Variants in NKX1-2 observed in about 807,000 individuals in gnomAD.
NKX1-2 encodes the protein NK1 transcription factor-related protein 2.
A neutral mutation model predicts 4.4 loss-of-function variants in NKX1-2; 1 was observed. The observed-to-expected ratio is 0.23, with a 90% CI of 0.08 to 1.08. The LOEUF is 1.08. NKX1-2 is among the 50% of genes least tolerant of loss of function. The pLI is 0.55. For missense variants in NKX1-2, 503 were observed against 464.6 expected, an observed-to-expected ratio of 1.08 and a Z score of -0.76; for synonymous variants, 235 against 228.0, an observed-to-expected ratio of 1.03 and a Z score of -0.28.
chr10:124,447,921 G>T lies in NKX1-2; in HGVS notation c.441C>A (p.Gly147=). ...GPVRSPPGSP[G]SPRPRRRRLE... is the part of the protein sequence containing the mutation. ...GGCGCCGGCGCCTGGGACGCGGGGA[G>T]CCGGGGGATCCCGGGGGGGACCTCA... Residue 147 remains glycine (G), a synonymous_variant, in exon 2 of 2, where the codon GGC becomes GGA. Transcript: ENST00000451024. 7.1e-7 allele frequency: 1 copy of T among 1,402,562 alleles called. No individual in the cohort carries two copies. Among genetic ancestry groups the T allele is most frequent in the Non-Finnish European group, 9.3e-7 (1 of 1,076,014 alleles). 86.9% of individuals were successfully genotyped at this position (1,402,562 alleles called of 1,614,324 possible). A position where few individuals can be genotyped will look rare whatever the true frequency, so the allele number is the denominator to read the frequency against.
chr10:124,449,785 G>C lies in NKX1-2; in HGVS notation c.159C>G (p.Val53=), dbSNP rs1287406221. The change falls in exon 1 of 2, where the codon GTC becomes GTG. Residue 53 remains valine (V), a synonymous_variant. Transcript: ENST00000451024. The surrounding 1 kb of genome is among the most constrained non-coding windows in gnomAD (Gnocchi z 7.5). ...PREARKSLAE[V]EAGKDASSRD... is the part of the protein sequence containing the mutation. ...TGGAGCTGGCATCTTTCCCCGCTTC[G>C]ACCTCCGCCAAACTTTTCCTGGCTT... 6.4e-7 allele frequency: 1 copy of C among 1,551,670 alleles called. No homozygotes were observed. The highest frequency in any genetic ancestry group is 8.7e-7 in the Non-Finnish European group (1 of 1,146,978).
chr10:124,449,509 G>T lies in NKX1-2; in HGVS notation c.214+221C>A. ...ACTGTGGTGCGGGTGAGCTTGGCGG[G>T]TGAGCAGGGATGCGGCAAATCCCTG... On this transcript the variant is annotated intron_variant, in intron 1 of 1. Coordinates refer to ENST00000451024, the MANE Select transcript of NKX1-2 (RefSeq NM_001146340.3). This position sits in a 1 kb window ranked among gnomAD's most constrained non-coding sequence, Gnocchi z 7.5. 1.4e-6 allele frequency: 1 copy of T among 697,420 alleles called. No homozygotes were observed. Among genetic ancestry groups the T allele is most frequent in the South Asian group, 1.5e-5 (1 of 66,722 alleles). The allele number at this position is 697,420 out of a possible 1,614,324, so 43.2% of individuals were successfully genotyped here. A position where few individuals can be genotyped will look rare whatever the true frequency, so the allele number is the denominator to read the frequency against.
rs1952246817 is a variant in NKX1-2 at position 124,447,288 on chromosome 10, C to T, written c.*141G>A. On this transcript the variant is annotated 3_prime_UTR_variant, in exon 2 of 2. Coordinates refer to ENST00000451024, the MANE Select transcript of NKX1-2 (RefSeq NM_001146340.3). ...CGGCAGATCCCTGACCCCTTGGTGGCCCGCGAGGATCGCGGGTGCGCGCGG... is the reference window on the plus strand; with the variant it reads ...CGGCAGATCCCTGACCCCTTGGTGGTCCGCGAGGATCGCGGGTGCGCGCGG... 4.4e-6 allele frequency: 2 copies of T among 453,856 alleles called. No individual in the cohort carries two copies. The highest frequency in any genetic ancestry group is 1.2e-4 in the South Asian group (1 of 8,246). The allele number at this position is 453,856 out of a possible 1,614,324, so 28.1% of individuals were successfully genotyped here.
At position 124,447,899 on chromosome 10, in the gene NKX1-2, G is replaced by T; in HGVS notation, c.463C>A (p.Arg155Ser). 3 of 1,415,878 alleles carry T rather than the reference G, an allele frequency of 2.1e-6. No individual in the cohort carries two copies. Among genetic ancestry groups the T allele is most frequent in the Non-Finnish European group, 2.8e-6 (3 of 1,080,184 alleles). 87.7% of individuals were successfully genotyped at this position (1,415,878 alleles called of 1,614,324 possible). Reference sequence around the variant, plus strand: ...GGCTTGGCGCAGTTGGGCTCCAGGCGCCGGCGCCTGGGACGCGGGGAGCCG... The same window carrying T: ...GGCTTGGCGCAGTTGGGCTCCAGGCTCCGGCGCCTGGGACGCGGGGAGCCG... ...SPGSPRPRRR[R>S]LEPNCAKPRR... The change falls in exon 2 of 2, where the codon CGC becomes AGC. Residue 155 changes from arginine (R) to serine (S), a missense_variant. By Grantham distance (110) the Arg-to-Ser change is moderately radical. Coordinates refer to ENST00000451024, the MANE Select transcript of NKX1-2 (RefSeq NM_001146340.3).
chr10:124,447,975 C>G lies in NKX1-2; in HGVS notation c.387G>C (p.Glu129Asp). The change falls in exon 2 of 2, where the codon GAG (glutamate) becomes GAC (aspartate). Residue 129 changes from glutamate (E) to aspartate (D), a missense_variant. Physicochemically the swap from Glu to Asp is conservative, Grantham distance 45. Coordinates refer to ENST00000451024, the MANE Select transcript of NKX1-2 (RefSeq NM_001146340.3). ...DAPAGALASG[E>D]PCEDGGGGPV... is the part of the protein sequence containing the mutation. ...GGCCGCCCCCGCCGTCCTCGCAGGG[C>G]TCCCCAGACGCCAATGCCCCGGCCG... 6.9e-7 allele frequency: 1 copy of G among 1,444,898 alleles called. No individual in the cohort carries two copies. The highest frequency in any genetic ancestry group is 9.0e-7 in the Non-Finnish European group (1 of 1,106,516). The allele number at this position is 1,444,898 out of a possible 1,614,324, so 89.5% of individuals were successfully genotyped here. A position where few individuals can be genotyped will look rare whatever the true frequency, so the allele number is the denominator to read the frequency against.
In NKX1-2 at chr10:124,449,960, C is replaced by T; in HGVS notation, c.-17G>A. 6.6e-7 allele frequency: 1 copy of T among 1,516,544 alleles called. No individual in the cohort carries two copies. The highest frequency in any genetic ancestry group is 8.9e-7 in the Non-Finnish European group (1 of 1,127,224). 93.9% of individuals were successfully genotyped at this position (1,516,544 alleles called of 1,614,324 possible). On this transcript the variant is annotated 5_prime_UTR_variant, in exon 1 of 2. Transcript: ENST00000451024. The surrounding 1 kb of genome is among the most constrained non-coding windows in gnomAD (Gnocchi z 7.5). The stretch of plus-strand genomic sequence containing the variant: ...TGCCAGCATGCCCGTCGCCCACGGG[C>T]CGGCGGTCGGCGGCGCGGGGTTGGG...
Position 124,447,886 on chromosome 10 carries a change from T to C in NKX1-2, c.476A>G (p.Asn159Ser), listed in dbSNP as rs551061171. 3.2e-5 allele frequency: 46 copies of C among 1,435,314 alleles called. No homozygotes were observed. The highest frequency in any genetic ancestry group is 9.8e-5 in the South Asian group (7 of 71,688). 88.9% of individuals were successfully genotyped at this position (1,435,314 alleles called of 1,614,324 possible). Residue 159 changes from asparagine (N) to serine (S), a missense_variant, in exon 2 of 2, where the codon AAC (asparagine) becomes AGC (serine). Asn to Ser is a conservative substitution (Grantham distance 46). Transcript: ENST00000451024. ...GCGCGCGCGCCGCGGCTTGGCGCAGTTGGGCTCCAGGCGCCGGCGCCTGGG... is the reference window on the plus strand; with the variant it reads ...GCGCGCGCGCCGCGGCTTGGCGCAGCTGGGCTCCAGGCGCCGGCGCCTGGG... Reference protein sequence around the residue: ...PRPRRRRLEPNCAKPRRARTA... With the variant: ...PRPRRRRLEPSCAKPRRARTA...
Position 124,449,691 on chromosome 10 carries a change from G to T in NKX1-2, c.214+39C>A. The T allele has an allele frequency of 7.0e-7, 1 of 1,436,862 alleles. No individual in the cohort carries two copies. The highest frequency in any genetic ancestry group is 9.6e-7 in the Non-Finnish European group (1 of 1,044,694). The allele number at this position is 1,436,862 out of a possible 1,614,324, so 89.0% of individuals were successfully genotyped here. On this transcript the variant is annotated intron_variant, in intron 1 of 1. Coordinates refer to ENST00000451024, the MANE Select transcript of NKX1-2 (RefSeq NM_001146340.3). This position sits in a 1 kb window ranked among gnomAD's most constrained non-coding sequence, Gnocchi z 7.5. ...CCCCCATACACTCCGCATTGTTGGG[G>T]CTGAGGCCTCCTGGGGCCGGGGCCG...
rs1952276281 is a variant in NKX1-2, at chr10:124,449,453, C to A, written c.214+277G>T. On this transcript the variant is annotated intron_variant, in intron 1 of 1. Transcript: ENST00000451024. This position sits in a 1 kb window ranked among gnomAD's most constrained non-coding sequence, Gnocchi z 7.5. ...AAATGAGTAAGCCTGGCAAGACAGGCGCCAGGTAAGTTTCCACCGCGAGCA... is the reference window on the plus strand; with the variant it reads ...AAATGAGTAAGCCTGGCAAGACAGGAGCCAGGTAAGTTTCCACCGCGAGCA... 3.0e-6 allele frequency: 2 copies of A among 677,110 alleles called. No individual in the cohort carries two copies. The highest frequency in any genetic ancestry group is 5.4e-6 in the Non-Finnish European group (2 of 369,052). The allele number at this position is 677,110 out of a possible 1,614,324, so 41.9% of individuals were successfully genotyped here. A position where few individuals can be genotyped will look rare whatever the true frequency, so the allele number is the denominator to read the frequency against.
chr10:124,449,930 T>A lies in NKX1-2; in HGVS notation c.14A>T (p.Gln5Leu). 1 of 1,542,038 alleles carries A rather than the reference T, an allele frequency of 6.5e-7. No homozygotes were observed. Among genetic ancestry groups the A allele is most frequent in the Non-Finnish European group, 8.8e-7 (1 of 1,140,266 alleles). Residue 5 changes from glutamine (Q) to leucine (L), a missense_variant, in exon 1 of 2, where the codon CAG becomes CTG. Coordinates refer to ENST00000451024, the MANE Select transcript of NKX1-2 (RefSeq NM_001146340.3). The surrounding 1 kb of genome is among the most constrained non-coding windows in gnomAD (Gnocchi z 7.5). ...GGGAGCCGCCTTGGCCCCGCCGTCC[T>A]GCCATGCCAGCATGCCCGTCGCCCA... MLAW[Q>L]DGGAKAAPSH...
Position 124,449,641 on chromosome 10 carries a change from G to T in NKX1-2, c.214+89C>A. The T allele has an allele frequency of 1.0e-6, 1 of 975,808 alleles. No individual in the cohort carries two copies. Among genetic ancestry groups the T allele is most frequent in the Non-Finnish European group, 1.6e-6 (1 of 631,468 alleles). 60.4% of individuals were successfully genotyped at this position (975,808 alleles called of 1,614,324 possible). On this transcript the variant is annotated intron_variant, in intron 1 of 1. Coordinates refer to ENST00000451024, the MANE Select transcript of NKX1-2 (RefSeq NM_001146340.3). The surrounding 1 kb of genome is among the most constrained non-coding windows in gnomAD (Gnocchi z 7.5). ...TTCTCTCTGAGGAAGACGCTGTTAA[G>T]GGCCACTCACCGGGCCCGGCTGTTC...
At position 124,448,233 on chromosome 10, in the gene NKX1-2, C is replaced by A; in HGVS notation, c.215-86G>T. 3.0e-6 allele frequency: 4 copies of A among 1,349,320 alleles called. No individual in the cohort carries two copies. The highest frequency in any genetic ancestry group is 9.5e-7 in the Non-Finnish European group (1 of 1,054,948). 83.6% of individuals were successfully genotyped at this position (1,349,320 alleles called of 1,614,324 possible). On this transcript the variant is annotated intron_variant, in intron 1 of 1. Transcript: ENST00000451024. This position sits in a 1 kb window ranked among gnomAD's most constrained non-coding sequence, Gnocchi z 4.1. ...CTCCCTAGAGCAAGCAGCTGTCCCC[C>A]CAACCCAACTCTGGGTGCTGCTCCT...
rs974610255 is a variant in NKX1-2 at position 124,449,606 on chromosome 10, C to T, written c.214+124G>A. ...GCGGGGGCTACACTTCGCACCCGGT[C>T]CCGTGCGCCTTCTCTCTGAGGAAGA... On this transcript the variant is annotated intron_variant, in intron 1 of 1. Transcript: ENST00000451024. This position sits in a 1 kb window ranked among gnomAD's most constrained non-coding sequence, Gnocchi z 7.5. 1.5e-5 allele frequency: 12 copies of T among 778,604 alleles called. No homozygotes were observed. The African/African-American group carries it at 1.7e-4, about 11-fold the overall frequency. The allele number at this position is 778,604 out of a possible 1,614,324, so 48.2% of individuals were successfully genotyped here.
rs1952268619 is a variant in NKX1-2, at chr10:124,448,647, C to A, written c.215-500G>T. On this transcript the variant is annotated intron_variant, in intron 1 of 1. Transcript: ENST00000451024. This position sits in a 1 kb window ranked among gnomAD's most constrained non-coding sequence, Gnocchi z 4.1. The stretch of plus-strand genomic sequence containing the variant: ...CTCTCCCGCCGTGTTAATAGAGTTT[C>A]AGATTTGTGCGGGGCCGGATCGATA... 6.6e-6 allele frequency: 1 copy of A among 150,410 alleles called. No individual in the cohort carries two copies. The allele number at this position is 150,410 out of a possible 1,614,324, so 9.3% of individuals were successfully genotyped here. A position where few individuals can be genotyped will look rare whatever the true frequency, so the allele number is the denominator to read the frequency against.
In NKX1-2 at chr10:124,447,717, C is replaced by G. The variant is rs1325822402; in HGVS notation, c.645G>C (p.Arg215Ser). Residue 215 changes from arginine to serine, a missense_variant, in exon 2 of 2, where the codon AGG (arginine) becomes AGC (serine). Transcript: ENST00000451024. Reference sequence around the variant, plus strand: ...CCGGGTTCTGCTTCTTCCACTTGGTCCTGCGATTCTGGAACCAGATTTTGA... The same window carrying G: ...CCGGGTTCTGCTTCTTCCACTTGGTGCTGCGATTCTGGAACCAGATTTTGA... ...TQVKIWFQNRRTKWKKQNPGA... is the reference protein window; with the variant it reads ...TQVKIWFQNRSTKWKKQNPGA... The G allele has an allele frequency of 3.7e-5, 54 of 1,468,334 alleles. No individual in the cohort carries two copies. Among genetic ancestry groups the G allele is most frequent in the Non-Finnish European group, 4.7e-5 (52 of 1,101,912 alleles). The allele number at this position is 1,468,334 out of a possible 1,614,324, so 91.0% of individuals were successfully genotyped here. A position where few individuals can be genotyped will look rare whatever the true frequency, so the allele number is the denominator to read the frequency against.
chr10:124,448,731 G>C lies in NKX1-2; in HGVS notation c.215-584C>G, dbSNP rs1589736531. The C allele has an allele frequency of 6.5e-6, 1 of 152,698 alleles. No individual in the cohort carries two copies. The allele number at this position is 152,698 out of a possible 1,614,324, so 9.5% of individuals were successfully genotyped here. A position where few individuals can be genotyped will look rare whatever the true frequency, so the allele number is the denominator to read the frequency against. On this transcript the variant is annotated intron_variant, in intron 1 of 1. Coordinates refer to ENST00000451024, the MANE Select transcript of NKX1-2 (RefSeq NM_001146340.3). The surrounding 1 kb of genome is among the most constrained non-coding windows in gnomAD (Gnocchi z 4.1). ...CAATATTAGGATCAGACAGGGAAAG[G>C]GGGTTTGAAGTCGGTACCTGCAAGC...
In NKX1-2 at chr10:124,448,957, G is replaced by A. The variant is rs147976074; in HGVS notation, c.214+773C>T. ...GGAGCAGGGGGCTGCGCGGCATCCA[G>A]CCTCCCCCGATGACCTGAGCCTCTG... On this transcript the variant is annotated intron_variant, in intron 1 of 1. Coordinates refer to ENST00000451024, the MANE Select transcript of NKX1-2 (RefSeq NM_001146340.3). The surrounding 1 kb of genome is among the most constrained non-coding windows in gnomAD (Gnocchi z 4.1). 2.6e-5 allele frequency among the ~76,000 whole-genome samples: 4 copies of A among 152,270 alleles called. No homozygotes were observed. Among genetic ancestry groups the A allele is most frequent in the Admixed American group, 6.5e-5 (1 of 15,304 alleles).
At position 124,447,248 on chromosome 10, in the gene NKX1-2, G is replaced by A. The variant is rs1045131940; in HGVS notation, c.*181C>T. 1.2e-5 allele frequency: 5 copies of A among 410,214 alleles called. No homozygotes were observed. The highest frequency in any genetic ancestry group is 3.7e-5 in the East Asian group (1 of 26,874). The allele number at this position is 410,214 out of a possible 1,614,324, so 25.4% of individuals were successfully genotyped here. ...AGGCTTGAGGTCAGCCTCCGTCCCC[G>A]GACACTTTGAAGGACGGCAGATCCC... On this transcript the variant is annotated 3_prime_UTR_variant, in exon 2 of 2. Coordinates refer to ENST00000451024, the MANE Select transcript of NKX1-2 (RefSeq NM_001146340.3).
rs1281674704 is a variant in NKX1-2, at chr10:124,448,363, C to G, written c.215-216G>C. 4 of 619,460 alleles carry G rather than the reference C, an allele frequency of 6.5e-6. No individual in the cohort carries two copies. 38.4% of individuals were successfully genotyped at this position (619,460 alleles called of 1,614,324 possible). On this transcript the variant is annotated intron_variant, in intron 1 of 1. Transcript: ENST00000451024. This position sits in a 1 kb window ranked among gnomAD's most constrained non-coding sequence, Gnocchi z 4.1. Reference sequence around the variant, plus strand: ...TACAAATCTGCCATCAAGTAGGCGTCCAAGAAATGTACGCCAAATGAATGA... The same window carrying G: ...TACAAATCTGCCATCAAGTAGGCGTGCAAGAAATGTACGCCAAATGAATGA...
Sources: gnomAD v4.1 joint callset for allele counts (sites outside exome capture counted in the v4.1 genomes callset) on GRCh38, gnomAD v4.1.1 for gene constraint, Gnocchi (gnomAD v3.1) non-coding constraint, MANE v1.5 for transcripts, NCBI Gene and HGNC (gene_info 2026-07-23, HGNC 2026-07-21) for gene names.